KPNA5: variants seen among roughly 807,000 people sequenced by gnomAD.
The protein encoded by KPNA5 is karyopherin subunit alpha 5.
A neutral mutation model predicts 71.3 loss-of-function variants in KPNA5; 46 were observed. The observed-to-expected ratio is 0.65, with a 90% CI of 0.51 to 0.83. KPNA5 has a LOEUF of 0.83. Ranked by LOEUF, KPNA5 falls within the 40% of genes least tolerant of loss-of-function variation. KPNA5 has a pLI of 0.00. For synonymous variants in KPNA5, 207 were observed against 201.4 expected (o/e 1.03, Z -0.24); for missense variants, 547 against 628.3 (o/e 0.87, Z 1.38).
chr6:116,687,731 T>C (rs894533272), intron 1 of KPNA5, among the ~76,000 whole-genome samples: 1 of 152,184 alleles, frequency 6.6e-6, no homozygotes, highest in African/African-American at 2.4e-5. Flanking sequence ...TCACCAGATA[T>C]CTGTTACATT....
At chr6:116,717,681 C>T (rs181806451) in intron 8 of KPNA5, among the ~76,000 whole-genome samples, 3 of 152,188 alleles carry the variant, frequency 2.0e-5, no homozygotes, top group Non-Finnish European at 4.4e-5. Context: ...GGGACCCAAG[C>T]AGGCACTGAG....
At chr6:116,681,614 G>A in intron 1 of KPNA5, 1 of 1,046,700 alleles carries the variant, frequency 9.6e-7, no homozygotes, top group Non-Finnish European at 1.2e-6. Context: ...CATCTTCGCC[G>A]CCCCGCCTCA....
chr6:116,700,624 G>A (rs553803225), intron 5 of KPNA5, among the ~76,000 whole-genome samples: 1 of 152,252 alleles, frequency 6.6e-6, no homozygotes, highest in South Asian at 2.1e-4. Context: ...AATATGATTG[G>A]TCCATCTAAC....
intron 8 of KPNA5, among the ~76,000 whole-genome samples, chr6:116,717,753 T>C (rs11967634): frequency 0.018 from 2,692 of 152,262 alleles, 68 homozygotes; most frequent in South Asian, 0.06. Flanking sequence ...CCCTTTCCCA[T>C]GATTCTTCCC....
At chr6:116,707,535 C>T (rs1019619269) in intron 7 of KPNA5, among the ~76,000 whole-genome samples, 2 of 152,192 alleles carry the variant, frequency 1.3e-5, no homozygotes. Flanking sequence ...AACACAGTCA[C>T]ACCTATTCAT....
At chr6:116,687,670 C>CA (rs1263609416) in intron 1 of KPNA5, among the ~76,000 whole-genome samples, 17 of 152,208 alleles carry the variant, frequency 1.1e-4, no homozygotes, top group Non-Finnish European at 2.4e-4. Flanking sequence ...CCATACTACT[C>CA]AGATGGCTCA....
At chr6:116,699,192 A>T (rs1778140849) in intron 5 of KPNA5, among the ~76,000 whole-genome samples, 1 of 152,142 alleles carries the variant, frequency 6.6e-6, no homozygotes, top group African/African-American at 2.4e-5. Context: ...TTTTTTTCAA[A>T]ACAGAATAAA....
intron 7 of KPNA5, among the ~76,000 whole-genome samples, chr6:116,710,112 A>G (rs1416924703): frequency 1.3e-5 from 2 of 152,132 alleles, no homozygotes; most frequent in African/African-American, 4.8e-5. Context: ...TACTTTTTGC[A>G]TCCAATGAGA....
rs1201720523 is a variant in KPNA5, at chr6:116,681,313, G to A, written c.-22G>A. 1.9e-6 allele frequency: 3 copies of A among 1,609,806 alleles called. No homozygotes were observed. The highest frequency in any genetic ancestry group is 1.7e-5 in the Admixed American group (1 of 59,454). ...TCGCCGCTGGGGACTGGGAAATCAG[G>A]GCATCGGAGAGTGCCACATTAATGG... On this transcript the variant is annotated 5_prime_UTR_variant, in exon 1 of 14. Coordinates refer to ENST00000368564, the MANE Select transcript of KPNA5 (RefSeq NM_001366306.2).
rs1031924379 is a variant in KPNA5 at position 116,734,426 on chromosome 6, C to T, written c.*2103C>T. The stretch of plus-strand genomic sequence containing the variant: ...CTGTGAAAGGAAACTTAAATTTTGC[C>T]GGTAAAACAAACATATCTCTACAGA... On this transcript the variant is annotated 3_prime_UTR_variant, in exon 14 of 14. Coordinates refer to ENST00000368564, the MANE Select transcript of KPNA5 (RefSeq NM_001366306.2). The T allele has an allele frequency of 6.6e-6, 1 of 151,496 alleles. No homozygotes were observed. Among genetic ancestry groups the T allele is most frequent in the Non-Finnish European group, 1.5e-5 (1 of 67,680 alleles). 9.4% of individuals were successfully genotyped at this position (151,496 alleles called of 1,614,324 possible).
intron 7 of KPNA5, among the ~76,000 whole-genome samples, chr6:116,710,963 C>T (rs1215858494): frequency 7.9e-5 from 11 of 139,528 alleles, no homozygotes; most frequent in African/African-American, 1.6e-4. Flanking sequence ...GGCATGATCT[C>T]GACTCACGGC....
In KPNA5 at chr6:116,682,381, T is replaced by G. The variant is rs1185029412; in HGVS notation, c.4+1043T>G. On this transcript the variant is annotated intron_variant, in intron 1 of 13. Coordinates refer to ENST00000368564, the MANE Select transcript of KPNA5 (RefSeq NM_001366306.2). ...CATTTACTTTTGAGCTTTTTAGACA[T>G]GTTTTTTAAAAAAGACAAAAACACT... Among the ~76,000 whole-genome samples, 4 of 152,198 alleles carry G rather than the reference T, an allele frequency of 2.6e-5. No homozygotes were observed. The South Asian group carries it at 8.3e-4, about 32-fold the overall frequency.
At chr6:116,704,202 C>T (rs945000349) in intron 6 of KPNA5, among the ~76,000 whole-genome samples, 2 of 152,108 alleles carry the variant, frequency 1.3e-5, no homozygotes, top group East Asian at 3.9e-4. Context: ...TCACACCCAG[C>T]TAGTTTTTGT....
chr6:116,708,235 T>C (rs1320533816), intron 7 of KPNA5, among the ~76,000 whole-genome samples: 1 of 152,220 alleles, frequency 6.6e-6, no homozygotes. Context: ...TTTGTCTCAG[T>C]ACTGGTTTTT....
intron 13 of KPNA5, among the ~76,000 whole-genome samples, chr6:116,731,420 A>G (rs1779477091): frequency 6.6e-6 from 1 of 152,170 alleles, no homozygotes; most frequent in Admixed American, 6.6e-5. Context: ...GATTGTGTAT[A>G]GATAGGACTG....
At chr6:116,699,642 A>G (rs1277727255) in intron 5 of KPNA5, among the ~76,000 whole-genome samples, 1 of 152,214 alleles carries the variant, frequency 6.6e-6, no homozygotes, top group Admixed American at 6.5e-5. Context: ...TGTTTACAAT[A>G]AGGGTCTCTA....
chr6:116,698,462 G>A (rs1778110016), intron 4 of KPNA5, among the ~76,000 whole-genome samples: 2 of 152,014 alleles, frequency 1.3e-5, no homozygotes, highest in Admixed American at 6.5e-5. Flanking sequence ...AAATTTAAAT[G>A]TTTATGTAGG....
chr6:116,705,153 C>G lies in KPNA5; in HGVS notation c.649C>G (p.Leu217Val). ...TTTGAATTGTGAAATACTTCCACCT[C>G]TTTTAGAGTAAGTACTTTATCACAA... Reference protein sequence around the residue: ...FVLNCEILPPLLELLTNSNRL... With the variant: ...FVLNCEILPPVLELLTNSNRL... Residue 217 changes from leucine (L) to valine (V), a missense_variant, in exon 7 of 14, where the codon CTT becomes GTT. Physicochemically the swap from Leu to Val is conservative, Grantham distance 32. Transcript: ENST00000368564. 1 of 1,603,516 alleles carries G rather than the reference C, an allele frequency of 6.2e-7. No individual in the cohort carries two copies. The highest frequency in any genetic ancestry group is 8.5e-7 in the Non-Finnish European group (1 of 1,172,020).
At chr6:116,725,240 T>C (rs560538657) in intron 10 of KPNA5, among the ~76,000 whole-genome samples, 7 of 152,298 alleles carry the variant, frequency 4.6e-5, no homozygotes, top group Admixed American at 2.6e-4. Context: ...AGGAACATAA[T>C]TAATCTTGCA....
Sources: allele counts gnomAD v4.1 joint callset (sites outside exome capture counted in the v4.1 genomes callset), GRCh38; gene constraint gnomAD v4.1.1; transcripts MANE v1.5; gene names NCBI Gene and HGNC (gene_info 2026-07-23, HGNC 2026-07-21).